The following RAB8B variants were observed in gnomAD, a reference collection of about 807,000 sequenced individuals.
RAB8B encodes the protein ras-related protein Rab-8B.
Under a neutral mutation model 32.0 loss-of-function variants are expected in RAB8B, and 11 were observed. The observed-to-expected ratio is 0.34, with a 90% CI of 0.22 to 0.57. The LOEUF is 0.57. Ranked by LOEUF, RAB8B falls within the 20% of genes least tolerant of loss-of-function variation. RAB8B has a pLI of 0.86. For synonymous variants in RAB8B, 103 were observed against 89.6 expected (o/e 1.15, Z -0.85); for missense variants, 190 against 258.5 (o/e 0.73, Z 1.82).
intron 2 of RAB8B, among the ~76,000 whole-genome samples, chr15:63,246,080 G>A (rs755602706): frequency 2.6e-5 from 4 of 152,088 alleles, no homozygotes; most frequent in Non-Finnish European, 5.9e-5. Flanking sequence ...CTCCATGTTA[G>A]CCAGCTGGTC....
At chr15:63,239,515 T>C (rs2038014031) in intron 1 of RAB8B, among the ~76,000 whole-genome samples, 1 of 148,936 alleles carries the variant, frequency 6.7e-6, no homozygotes, top group Non-Finnish European at 1.5e-5. Context: ...TGGGTTCAAG[T>C]GATTCATTTT....
At chr15:63,257,227 TA>T (rs1247183460) in intron 5 of RAB8B, among the ~76,000 whole-genome samples, 1 of 152,016 alleles carries the variant, frequency 6.6e-6, no homozygotes, top group African/African-American at 2.4e-5. Context: ...CTTTAGCCTT[TA>T]AAAAAATTAT....
chr15:63,239,663 C>T (rs902083620), intron 1 of RAB8B, among the ~76,000 whole-genome samples: 2 of 152,140 alleles, frequency 1.3e-5, no homozygotes, highest in Non-Finnish European at 2.9e-5. Context: ...CTGCCTTGGC[C>T]TCCCAAAGTG....
intron 1 of RAB8B, among the ~76,000 whole-genome samples, chr15:63,220,836 T>A (rs868271314): frequency 7.2e-5 from 11 of 152,118 alleles, no homozygotes; most frequent in Admixed American, 2.6e-4. Context: ...TGCTTTTTTT[T>A]AAAAAGGGTT....
intron 5 of RAB8B, among the ~76,000 whole-genome samples, chr15:63,258,935 TG>T (rs1412236471): frequency 4.5e-4 from 68 of 152,210 alleles, no homozygotes; most frequent in Non-Finnish European, 2.6e-4. Flanking sequence ...TTTTGTTACT[TG>T]GGCATGGAAG....
At chr15:63,244,557 G>A (rs761416631) in intron 1 of RAB8B, among the ~76,000 whole-genome samples, 199 bp from the exon 2 acceptor site, 6 of 152,170 alleles carry the variant, frequency 3.9e-5, no homozygotes, top group African/African-American at 9.7e-5. Flanking sequence ...CATTTAACAC[G>A]TGTGGGAATT....
chr15:63,235,212 AAAG>A (rs2037968281), intron 1 of RAB8B, among the ~76,000 whole-genome samples: 1 of 152,240 alleles, frequency 6.6e-6, no homozygotes, highest in East Asian at 1.9e-4. Context: ...TGTTCGATAT[AAAG>A]AAGGACTGTA....
intron 1 of RAB8B, among the ~76,000 whole-genome samples, chr15:63,194,423 G>A (rs2037584335): frequency 6.6e-6 from 1 of 152,192 alleles, no homozygotes; most frequent in African/African-American, 2.4e-5. Context: ...AGACATTTCT[G>A]TTTTGATTAG....
intron 1 of RAB8B, among the ~76,000 whole-genome samples, chr15:63,228,677 A>T (rs570000478): frequency 2.7e-4 from 41 of 152,310 alleles, no homozygotes; most frequent in African/African-American, 9.6e-4. Context: ...CCCAATTCAC[A>T]CTAGCTCTTT....
At chr15:63,256,865 C>T (rs10519190) in intron 5 of RAB8B, among the ~76,000 whole-genome samples, 25,912 of 152,162 alleles carry the variant, frequency 0.17, 2,671 homozygotes, top group East Asian at 0.47. Context: ...ATTCCTGCAG[C>T]TTAGAGTTCA....
At chr15:63,243,316 A>C (rs1015878264) in intron 1 of RAB8B, among the ~76,000 whole-genome samples, 2 of 152,256 alleles carry the variant, frequency 1.3e-5, no homozygotes, top group Admixed American at 1.3e-4. Context: ...CCTGCTGGAC[A>C]GAATGCAAAA....
chr15:63,262,642 C>A (rs915994594), intron 6 of RAB8B, 50 bp from the exon 7 acceptor site: 4 of 489,758 alleles, frequency 8.2e-6, no homozygotes, highest in East Asian at 5.7e-5. Flanking sequence ...TATATATATA[C>A]ATATATATAG....
At chr15:63,244,895 G>C in intron 2 of RAB8B, 79 bp downstream of exon 2, 1 of 1,237,930 alleles carries the variant, frequency 8.1e-7, no homozygotes, top group East Asian at 2.4e-5. Flanking sequence ...TAATAAGTTA[G>C]AGGCATCTTG....
At chr15:63,222,553 T>G (rs1248032779) in intron 1 of RAB8B, among the ~76,000 whole-genome samples, 1 of 152,226 alleles carries the variant, frequency 6.6e-6, no homozygotes, top group East Asian at 1.9e-4. Flanking sequence ...TTTATTATTA[T>G]TTGAGACGGA....
At chr15:63,255,301 A>C (rs2038150569) in intron 3 of RAB8B, among the ~76,000 whole-genome samples, 1 of 152,200 alleles carries the variant, frequency 6.6e-6, no homozygotes, top group Non-Finnish European at 1.5e-5. Context: ...AAAATGTTAA[A>C]AGGGTTTTTA....
At chr15:63,206,835 C>A (rs2037702077) in intron 1 of RAB8B, among the ~76,000 whole-genome samples, 1 of 152,056 alleles carries the variant, frequency 6.6e-6, no homozygotes, top group Non-Finnish European at 1.5e-5. Context: ...ACTCATTAAC[C>A]CCTCAAAGTC....
chr15:63,213,819 A>G (rs1414578814), intron 1 of RAB8B, among the ~76,000 whole-genome samples: 1 of 152,168 alleles, frequency 6.6e-6, no homozygotes. Context: ...GCGGTGGCTC[A>G]CGCCTGTAAT....
intron 1 of RAB8B, among the ~76,000 whole-genome samples, chr15:63,202,319 C>T (rs778980431): frequency 2.4e-4 from 37 of 151,744 alleles, no homozygotes; most frequent in Non-Finnish European, 4.7e-4. Flanking sequence ...AACTGACCAA[C>T]AAACCCTTGA....
intron 1 of RAB8B, among the ~76,000 whole-genome samples, chr15:63,232,371 A>C (rs1320376278): frequency 1.3e-5 from 2 of 152,196 alleles, no homozygotes; most frequent in African/African-American, 4.8e-5. Context: ...CTATTTGTAT[A>C]TCTATAATGC....
Sources: allele counts gnomAD v4.1 joint callset (sites outside exome capture counted in the v4.1 genomes callset), GRCh38; gene constraint gnomAD v4.1.1; transcripts MANE v1.5; gene names NCBI Gene and HGNC (gene_info 2026-07-23, HGNC 2026-07-21).